HMX1: variants seen among roughly 807,000 people sequenced by gnomAD.
HMX1 encodes homeobox protein HMX1.
A neutral mutation model predicts 8.9 loss-of-function variants in HMX1; 8 were observed. That is an observed-to-expected ratio of 0.90 (90% confidence interval 0.53 to 1.63). HMX1 has a LOEUF of 1.63. Ranked by LOEUF, HMX1 falls within the 40% of genes most tolerant of loss-of-function variation. HMX1 has a pLI of 0.00. For missense variants in HMX1, 621 were observed against 558.5 expected, an observed-to-expected ratio of 1.11 and a Z score of -1.13; for synonymous variants, 311 against 283.4, an observed-to-expected ratio of 1.10 and a Z score of -0.98.
At position 8,868,095 on chromosome 4, in the gene HMX1, G is replaced by C; in HGVS notation, c.645C>G (p.Val215=). The C allele has an allele frequency of 4.0e-6, 6 of 1,518,808 alleles. No individual in the cohort carries two copies. Among genetic ancestry groups the C allele is most frequent in the Non-Finnish European group, 5.3e-6 (6 of 1,135,478 alleles). 94.1% of individuals were successfully genotyped at this position (1,518,808 alleles called of 1,614,324 possible). ...GGTCGAAGGTGGATTCCAGCTGGAA[G>C]ACCTGGCTGCGGGAGAAGACTGTGC... is the stretch of plus-strand genomic sequence containing the variant. ...KTRTVFSRSQ[V]FQLESTFDLK... The change falls in exon 2 of 2, where the codon GTC becomes GTG. Residue 215 remains valine (V), a synonymous_variant. Transcript: ENST00000400677. This position sits in a 1 kb window ranked among gnomAD's most constrained non-coding sequence, Gnocchi z 4.6.
At chr4:8,864,597 C>T (rs142979548), downstream of HMX1, among the ~76,000 whole-genome samples, 5,009 of 152,304 alleles carry the variant, frequency 0.033, 114 homozygotes, top group Non-Finnish European at 0.049. Context: ...CCAGCCTGGT[C>T]CCGCTTGCTC....
intron 1 of HMX1, among the ~76,000 whole-genome samples, chr4:8,869,519 C>A (rs1288900595): frequency 1.3e-5 from 2 of 152,254 alleles, no homozygotes; most frequent in Non-Finnish European, 2.9e-5. Context: ...AGCATTTGCA[C>A]GCTCATGCAA....
intron 1 of HMX1, among the ~76,000 whole-genome samples, chr4:8,861,265 C>A: frequency 6.6e-6 from 1 of 152,034 alleles, no homozygotes; most frequent in East Asian, 2.0e-4. Context: ...GGACCAGAAG[C>A]TGCGGCACCG....
downstream of HMX1, among the ~76,000 whole-genome samples, chr4:8,862,101 AG>A (rs564309203): frequency 2.1e-3 from 316 of 152,324 alleles, no homozygotes; most frequent in Non-Finnish European, 3.5e-3. Context: ...GGGAACCCGG[AG>A]GGGGCACCAC....
chr4:8,863,658 C>T (rs4256300), downstream of HMX1, among the ~76,000 whole-genome samples: 1 of 152,188 alleles, frequency 6.6e-6, no homozygotes, highest in South Asian at 2.1e-4. Flanking sequence ...TCCAAGGGCA[C>T]TGCCTGGGTA....
intron 1 of HMX1, among the ~76,000 whole-genome samples, chr4:8,861,027 C>A (rs1007448018): frequency 1.5e-4 from 22 of 151,548 alleles, no homozygotes; most frequent in Non-Finnish European, 2.5e-4. Context: ...CCGGGAGGGC[C>A]GCGAGCTGGG....
At chr4:8,856,222 C>G (rs1423368972) in intron 1 of HMX1, among the ~76,000 whole-genome samples, 1 of 152,150 alleles carries the variant, frequency 6.6e-6, no homozygotes, top group Non-Finnish European at 1.5e-5. Flanking sequence ...AAGACATAGA[C>G]AGTTGATAGA....
At chr4:8,858,234 G>T (rs1030688778) in intron 1 of HMX1, among the ~76,000 whole-genome samples, 2 of 152,136 alleles carry the variant, frequency 1.3e-5, no homozygotes, top group Non-Finnish European at 2.9e-5. Context: ...CGCGCGCGGA[G>T]CTGGAGCCCC....
chr4:8,855,971 T>C (rs897928173), intron 1 of HMX1, among the ~76,000 whole-genome samples: 1 of 152,128 alleles, frequency 6.6e-6, no homozygotes, highest in South Asian at 2.1e-4. Flanking sequence ...CAGCGGACAG[T>C]AGCATGCTGG....
In HMX1 at chr4:8,867,656, C is replaced by T; in HGVS notation, c.*37G>A. ...CGCTGAATCGCGCGTCCACACAGGTCCACAGGGTCGTGGGGAGAGGGCCCG... is the reference window on the plus strand; with the variant it reads ...CGCTGAATCGCGCGTCCACACAGGTTCACAGGGTCGTGGGGAGAGGGCCCG... On this transcript the variant is annotated 3_prime_UTR_variant, in exon 2 of 2. Coordinates refer to ENST00000400677, the MANE Select transcript of HMX1 (RefSeq NM_018942.3). 3 of 1,228,998 alleles carry T rather than the reference C, an allele frequency of 2.4e-6. No individual in the cohort carries two copies. The highest frequency in any genetic ancestry group is 3.0e-6 in the Non-Finnish European group (3 of 985,242). 76.1% of individuals were successfully genotyped at this position (1,228,998 alleles called of 1,614,324 possible).
At chr4:8,855,723 G>C (rs1483794837) in intron 1 of HMX1, among the ~76,000 whole-genome samples, 2 of 152,204 alleles carry the variant, frequency 1.3e-5, no homozygotes, top group African/African-American at 4.8e-5. Context: ...ATGTGACCCA[G>C]AAGTCGCAGA....
chr4:8,852,139 C>T (rs367637746), intron 1 of HMX1, among the ~76,000 whole-genome samples: 1 of 152,228 alleles, frequency 6.6e-6, no homozygotes, highest in African/African-American at 2.4e-5. Flanking sequence ...GAGTATTGAC[C>T]CTGCATTCAA....
Position 8,848,773 on chromosome 4 carries a change from A to G in HMX1, c.395-2449T>C, listed in dbSNP as rs1721348739. On this transcript the variant is annotated intron_variant, in intron 1 of 1. Transcript: ENST00000506970. This position sits in a 1 kb window ranked among gnomAD's most constrained non-coding sequence, Gnocchi z 4.1. ...TGGGTCAGAAGATTACCCCAGGGCA[A>G]GTAGCAAGGAGACATCATAAGGGCT... 6.6e-6 allele frequency among the ~76,000 whole-genome samples: 1 copy of G among 152,222 alleles called. No individual in the cohort carries two copies. The highest frequency in any genetic ancestry group is 2.1e-4 in the South Asian group (1 of 4,830).
At chr4:8,859,780 C>A (rs942157572) in intron 1 of HMX1, among the ~76,000 whole-genome samples, 1 of 152,218 alleles carries the variant, frequency 6.6e-6, no homozygotes, top group Admixed American at 6.5e-5. Flanking sequence ...CGTGGGAATA[C>A]CGTGGAACAA....
chr4:8,866,219 G>A (rs749046636), downstream of HMX1, among the ~76,000 whole-genome samples: 2 of 152,188 alleles, frequency 1.3e-5, no homozygotes, highest in Non-Finnish European at 2.9e-5. Flanking sequence ...CCCACTGCAC[G>A]CTCTCCTTGG....
chr4:8,862,286 C>T (rs547336432), downstream of HMX1, among the ~76,000 whole-genome samples: 242 of 152,368 alleles, frequency 1.6e-3, no homozygotes, highest in Middle Eastern at 6.8e-3. Context: ...CCCGATTGGG[C>T]GTAGATAAAC....
Position 8,871,447 on chromosome 4 carries a change from G to C in HMX1, c.168C>G (p.Asp56Glu). 7.5e-7 allele frequency: 1 copy of C among 1,334,150 alleles called. No homozygotes were observed. Among genetic ancestry groups the C allele is most frequent in the Non-Finnish European group, 9.7e-7 (1 of 1,029,294 alleles). The allele number at this position is 1,334,150 out of a possible 1,614,324, so 82.6% of individuals were successfully genotyped here. The change falls in exon 1 of 2, where the codon GAC becomes GAG. Residue 56 changes from aspartate (D) to glutamate (E), a missense_variant. By Grantham distance (45) the Asp-to-Glu change is conservative (BLOSUM62 2). Coordinates refer to ENST00000400677, the MANE Select transcript of HMX1 (RefSeq NM_018942.3). The surrounding 1 kb of genome is among the most constrained non-coding windows in gnomAD (Gnocchi z 4.8). ...EEDDDDPEDE[D>E]AEQARRRRLQ... ...GCCGTCGCCGCCGCGCCTGCTCGGC[G>C]TCCTCGTCTTCGGGGTCGTCGTCGT...
In HMX1 at chr4:8,868,370, G is replaced by T. The variant is rs1396102767; in HGVS notation, c.395-25C>A. The T allele has an allele frequency of 4.5e-6, 6 of 1,346,466 alleles. No homozygotes were observed. In the African/African-American group the frequency reaches 6.2e-5, roughly 14 times the overall value. 83.4% of individuals were successfully genotyped at this position (1,346,466 alleles called of 1,614,324 possible). A position where few individuals can be genotyped will look rare whatever the true frequency, so the allele number is the denominator to read the frequency against. ...GCTGCAGGGGAGAGAGGGCACCACC[G>T]TTGGTTCTAGGGCACTGATTACCAG... On this transcript the variant is annotated intron_variant, in intron 1 of 1. Transcript: ENST00000400677. The surrounding 1 kb of genome is among the most constrained non-coding windows in gnomAD (Gnocchi z 4.6).
chr4:8,855,988 G>C (rs1360824005), intron 1 of HMX1, among the ~76,000 whole-genome samples: 4 of 152,238 alleles, frequency 2.6e-5, no homozygotes, highest in Non-Finnish European at 5.9e-5. Context: ...CTGGAAGGGA[G>C]CTTGGGGACA....
Sources: allele counts gnomAD v4.1 joint callset (sites outside exome capture counted in the v4.1 genomes callset), GRCh38; gene constraint gnomAD v4.1.1; non-coding constraint Gnocchi (gnomAD v3.1); transcripts MANE v1.5; gene names NCBI Gene and HGNC (gene_info 2026-07-23, HGNC 2026-07-21).